Variants in MGST2 observed in about 807,000 individuals in gnomAD.
The protein encoded by MGST2 is microsomal glutathione S-transferase 2.
MGST2 carries 9 observed loss-of-function variants against 16.6 expected under a neutral mutation model. The observed-to-expected ratio is 0.54, with a 90% CI of 0.33 to 0.95. MGST2 has a LOEUF of 0.95. MGST2 is among the 40% of genes least tolerant of loss of function. The pLI is 0.03. For synonymous variants in MGST2, 79 were observed against 68.0 expected (o/e 1.16, Z -0.79); for missense variants, 159 against 175.1 (o/e 0.91, Z 0.52).
intron 3 of MGST2, among the ~76,000 whole-genome samples, chr4:139,699,165 C>A (rs1404907726): frequency 6.6e-6 from 1 of 152,218 alleles, no homozygotes; most frequent in African/African-American, 2.4e-5. Context: ...TAAGCAGATA[C>A]TTGCAACACT....
At chr4:139,716,061 G>C (rs1468148446) in intron 5 of MGST2, among the ~76,000 whole-genome samples, 8 of 152,102 alleles carry the variant, frequency 5.3e-5, no homozygotes. Context: ...TACAGTGCCC[G>C]GTCTGGGGGG....
chr4:139,747,231 C>T, the MGST2 span, among the ~76,000 whole-genome samples: 1 of 152,188 alleles, frequency 6.6e-6, no homozygotes, highest in Non-Finnish European at 1.5e-5. Context: ...TTCTGCATCA[C>T]TGAGGAAGGA....
chr4:139,682,066 C>T (rs1731271096), intron 2 of MGST2, among the ~76,000 whole-genome samples: 2 of 151,908 alleles, frequency 1.3e-5, no homozygotes, highest in African/African-American at 2.4e-5. Flanking sequence ...CATGTGGGTA[C>T]ATACCTGCAG....
At chr4:139,721,102 C>T (rs371851882) in intron 5 of MGST2, among the ~76,000 whole-genome samples, 1 of 152,232 alleles carries the variant, frequency 6.6e-6, no homozygotes, top group African/African-American at 2.4e-5. Context: ...ATAAACTTTA[C>T]GCATTTCTAC....
the MGST2 span, among the ~76,000 whole-genome samples, chr4:139,747,116 C>T: frequency 6.6e-6 from 1 of 152,278 alleles, no homozygotes; most frequent in East Asian, 1.9e-4. Context: ...TGGAGGGAAG[C>T]CCTGTCCTCA....
Position 139,734,265 on chromosome 4 carries a change from TAAG to T in MGST2, c.*49-5943_*49-5941del, listed in dbSNP as rs1289775112. On this transcript the variant is annotated intron_variant, in intron 5 of 5. Coordinates refer to the MGST2 transcript ENST00000616265. ...GATTTCAAGCCACTGCTCTTGTTTC[TAAG>T]AAGGACACACACTGTGTTGTGCAAT... Among the ~76,000 whole-genome samples the T allele has an allele frequency of 2.0e-5, 3 of 152,336 alleles. No homozygotes were observed. The East Asian group carries it at 5.8e-4, about 29-fold the overall frequency.
chr4:139,703,896 C>T, intron 4 of MGST2, 120 bp from the exon 5 acceptor site: 1 of 1,345,960 alleles, frequency 7.4e-7, no homozygotes. Flanking sequence ...CTAAAATTTT[C>T]AAATTGCAAA....
chr4:139,726,065 G>T (rs1312163153), intron 5 of MGST2, among the ~76,000 whole-genome samples: 1 of 152,202 alleles, frequency 6.6e-6, no homozygotes, highest in Non-Finnish European at 1.5e-5. Flanking sequence ...ACAGAACGCT[G>T]CCAGGAGCCC....
At chr4:139,694,555 G>T (rs1421150949) in intron 2 of MGST2, among the ~76,000 whole-genome samples, 2 of 152,104 alleles carry the variant, frequency 1.3e-5, no homozygotes, top group Non-Finnish European at 1.5e-5. Context: ...AGTTCCCAGA[G>T]AACTATTCCC....
intron 5 of MGST2, among the ~76,000 whole-genome samples, chr4:139,736,616 G>A (rs1327799212): frequency 6.6e-6 from 1 of 152,208 alleles, no homozygotes; most frequent in Non-Finnish European, 1.5e-5. Context: ...CCCATTCCCA[G>A]TATGGGCAAT....
chr4:139,696,235 G>A (rs1285007643), intron 3 of MGST2, among the ~76,000 whole-genome samples: 3 of 152,076 alleles, frequency 2.0e-5, no homozygotes, highest in Admixed American at 6.6e-5. Context: ...AGGTGGAAGC[G>A]GAGACAGAAT....
downstream of MGST2, among the ~76,000 whole-genome samples, chr4:139,704,933 A>T (rs771417984): frequency 5.9e-5 from 9 of 152,200 alleles, no homozygotes; most frequent in Non-Finnish European, 1.2e-4. Flanking sequence ...CAAAAAACCC[A>T]AAGAAAAACA....
chr4:139,708,740 C>T (rs757401185), downstream of MGST2, among the ~76,000 whole-genome samples: 29 of 152,072 alleles, frequency 1.9e-4, no homozygotes, highest in Non-Finnish European at 2.5e-4. Context: ...CGGTGGCTCA[C>T]GCCTGTAATC....
At chr4:139,734,722 T>C (rs1728863361) in intron 5 of MGST2, among the ~76,000 whole-genome samples, 1 of 152,274 alleles carries the variant, frequency 6.6e-6, no homozygotes, top group South Asian at 2.1e-4. Context: ...TGTTTATTTA[T>C]AAATCTGTGC....
chr4:139,725,999 C>A (rs2110973757), intron 5 of MGST2, among the ~76,000 whole-genome samples: 1 of 152,288 alleles, frequency 6.6e-6, no homozygotes, highest in Non-Finnish European at 1.5e-5. Context: ...AGGATAGAGT[C>A]AGGTAGGTTT....
chr4:139,702,843 G>GTTTTTTTTTTTTT (rs1727325108), intron 3 of MGST2, among the ~76,000 whole-genome samples: 5 of 27,600 alleles, frequency 1.8e-4, no homozygotes, highest in Non-Finnish European at 6.4e-4. Flanking sequence ...TTGTGTTACT[G>GTTTTTTTTTTTTT]GTTTTTTTTT....
chr4:139,747,241 A>G, the MGST2 span, among the ~76,000 whole-genome samples: 2 of 152,224 alleles, frequency 1.3e-5, no homozygotes, highest in African/African-American at 4.8e-5. Context: ...CTGAGGAAGG[A>G]AATGTAACTT....
chr4:139,683,817 A>G (rs1013907346), intron 2 of MGST2, among the ~76,000 whole-genome samples: 10 of 152,232 alleles, frequency 6.6e-5, no homozygotes, highest in African/African-American at 2.4e-4. Context: ...GAAGCCTCAC[A>G]GTCATGGAGA....
In MGST2 at chr4:139,695,225, T is replaced by C. The variant is rs1373784151; in HGVS notation, c.187T>C (p.Phe63Leu). 1.9e-6 allele frequency: 3 copies of C among 1,613,352 alleles called. No individual in the cohort carries two copies. The African/African-American group carries it at 4.0e-5, about 22-fold the overall frequency. Reference sequence around the variant, plus strand: ...AAACTGTGTGGAGTTTTATCCTATATTCATAATTACATTGTGGATGGCTGG... The same window carrying C: ...AAACTGTGTGGAGTTTTATCCTATACTCATAATTACATTGTGGATGGCTGG... ...QQNCVEFYPI[F>L]IITLWMAGWY... Residue 63 changes from phenylalanine to leucine, a missense_variant, in exon 3 of 5, where the codon TTC becomes CTC. Phe to Leu is a conservative substitution (Grantham distance 22). Transcript: ENST00000265498.
Sources: gnomAD v4.1 joint callset for allele counts (sites outside exome capture counted in the v4.1 genomes callset) on GRCh38, gnomAD v4.1.1 for gene constraint, MANE v1.5 for transcripts, NCBI Gene and HGNC (gene_info 2026-07-23, HGNC 2026-07-21) for gene names.